Variants in NTM observed in about 807,000 individuals in gnomAD.
The protein encoded by NTM is neurotrimin, also known as IgLON family member 2.
Under a neutral mutation model 42.1 loss-of-function variants are expected in NTM, and 13 were observed. The ratio of observed to expected loss-of-function variants is 0.31; its 90% CI spans 0.20 to 0.49. NTM has a LOEUF of 0.49. Ranked by LOEUF, NTM falls within the 20% of genes least tolerant of loss-of-function variation. The probability of loss-of-function intolerance (pLI) is 0.99; values close to 1 mark genes in which losing one functional copy is unlikely to be tolerated. For synonymous variants in NTM, 187 were observed against 179.2 expected (o/e 1.04, Z -0.35); for missense variants, 373 against 452.8 (o/e 0.82, Z 1.60).
intron 1 of NTM, among the ~76,000 whole-genome samples, chr11:131,422,476 C>T (rs921456006): frequency 6.6e-6 from 1 of 152,124 alleles, no homozygotes; most frequent in Admixed American, 6.5e-5. Flanking sequence ...TGATCAGGCG[C>T]AAATTAAGTA....
At position 132,197,696 on chromosome 11, in the gene NTM, T is replaced by G. The variant is rs189114839; in HGVS notation, c.401-14326T>G. Among the ~76,000 whole-genome samples, 668 of 137,410 alleles carry G rather than the reference T, an allele frequency of 4.9e-3. 3 individuals carry two copies. Among genetic ancestry groups the G allele is most frequent in the African/African-American group, 0.017 (635 of 36,574 alleles). 90.1% of individuals were successfully genotyped at this position (137,410 alleles called of 152,430 possible). The stretch of plus-strand genomic sequence containing the variant: ...CTGGTGTGTGATGTTCCCCTTCCTG[T>G]GTGCAAGTGTTCTCATTGTTCAATT... On this transcript the variant is annotated intron_variant, in intron 3 of 8. Coordinates refer to ENST00000683400, the MANE Select transcript of NTM (RefSeq NM_001352005.2).
At chr11:131,714,993 G>C (rs2077539640) in intron 1 of NTM, among the ~76,000 whole-genome samples, 1 of 152,190 alleles carries the variant, frequency 6.6e-6, no homozygotes, top group African/African-American at 2.4e-5. Flanking sequence ...CTTAATTAAT[G>C]CTTCCTAATA....
chr11:131,958,287 G>A (rs2134457077), intron 2 of NTM, among the ~76,000 whole-genome samples: 1 of 152,238 alleles, frequency 6.6e-6, no homozygotes, highest in East Asian at 1.9e-4. Context: ...TGGGGCAGGG[G>A]TAGGGTATTT....
At chr11:131,926,577 T>A (rs1443056396) in intron 2 of NTM, among the ~76,000 whole-genome samples, 1 of 151,870 alleles carries the variant, frequency 6.6e-6, no homozygotes, top group Non-Finnish European at 1.5e-5. Flanking sequence ...AGCAAAGGGA[T>A]CTGGGGGGTC....
chr11:131,982,864 ACCTGGTCTTG>A (rs1240782654), intron 2 of NTM, among the ~76,000 whole-genome samples: 2 of 152,158 alleles, frequency 1.3e-5, no homozygotes, highest in African/African-American at 4.8e-5. Context: ...CAAAGAAAGG[ACCTGGTCTTG>A]CCTTTCTGCA....
intron 1 of NTM, among the ~76,000 whole-genome samples, chr11:131,592,869 G>A (rs1342709891): frequency 6.6e-6 from 1 of 152,152 alleles, no homozygotes; most frequent in Admixed American, 6.5e-5. Flanking sequence ...CAGATGTGCA[G>A]CAGCCTGCCA....
chr11:131,840,293 G>A (rs978485243), intron 1 of NTM, among the ~76,000 whole-genome samples: 5 of 152,190 alleles, frequency 3.3e-5, no homozygotes, highest in Admixed American at 3.3e-4. Flanking sequence ...GATTAGGTGA[G>A]CAAATGAGGA....
At chr11:131,745,008 T>C (rs1380398136) in intron 1 of NTM, among the ~76,000 whole-genome samples, 1 of 152,158 alleles carries the variant, frequency 6.6e-6, no homozygotes, top group Non-Finnish European at 1.5e-5. Flanking sequence ...GAGCTGCAAA[T>C]GGTGATTCAA....
At position 131,670,362 on chromosome 11, in the gene NTM, T is replaced by C. The variant is rs79000041; in HGVS notation, c.83-241202T>C. On this transcript the variant is annotated intron_variant, in intron 1 of 8. Transcript: ENST00000683400. Reference sequence around the variant, plus strand: ...CTTTCTCTCCCTCTCTCTCTTACTTTCTTCCTTCCTTCCTTCCTTTCTTTC... The same window carrying C: ...CTTTCTCTCCCTCTCTCTCTTACTTCCTTCCTTCCTTCCTTCCTTTCTTTC... 9.5e-3 allele frequency among the ~76,000 whole-genome samples: 1,439 copies of C among 151,968 alleles called. 26 individuals carry two copies. The highest frequency in any genetic ancestry group is 0.033 in the African/African-American group (1,363 of 41,480).
At chr11:131,918,621 A>T (rs181602649) in intron 2 of NTM, among the ~76,000 whole-genome samples, 18 of 152,168 alleles carry the variant, frequency 1.2e-4, no homozygotes, top group African/African-American at 3.9e-4. Context: ...CTCCTAGGCA[A>T]TCCCCCTCGG....
intron 1 of NTM, among the ~76,000 whole-genome samples, chr11:131,578,863 A>G (rs966364488): frequency 2.6e-5 from 4 of 152,174 alleles, no homozygotes; most frequent in Admixed American, 2.0e-4. Context: ...CTTCTTGTGA[A>G]GAAAGGCTGA....
intron 4 of NTM, among the ~76,000 whole-genome samples, chr11:132,287,372 C>T (rs995895609): frequency 7.9e-5 from 12 of 152,150 alleles, no homozygotes; most frequent in Non-Finnish European, 1.3e-4. Context: ...GTTCTGTCTG[C>T]GTACGTTTCC....
At chr11:131,544,770 G>C (rs533718036) in intron 1 of NTM, among the ~76,000 whole-genome samples, 1 of 152,320 alleles carries the variant, frequency 6.6e-6, no homozygotes, top group South Asian at 2.1e-4. Flanking sequence ...AAGAGTGGAC[G>C]TGTGAGTCTG....
At chr11:131,421,562 G>C (rs573988808) in intron 1 of NTM, among the ~76,000 whole-genome samples, 1 of 152,214 alleles carries the variant, frequency 6.6e-6, no homozygotes, top group Non-Finnish European at 1.5e-5. Context: ...GGAAGCTACT[G>C]CATATGCAGT....
chr11:132,247,802 G>A (rs1369002797), intron 4 of NTM, among the ~76,000 whole-genome samples: 1 of 151,906 alleles, frequency 6.6e-6, no homozygotes, highest in Non-Finnish European at 1.5e-5. Context: ...CTCTATCCCT[G>A]TCTCTTTTCT....
At chr11:131,890,131 T>TCTCTCC (rs1312849669) in intron 1 of NTM, among the ~76,000 whole-genome samples, 1 of 125,570 alleles carries the variant, frequency 8.0e-6, no homozygotes, top group East Asian at 2.9e-4. Context: ...ACAGGCCCTC[T>TCTCTCC]CTCTCCCTCT....
At chr11:132,101,555 CTT>C (rs35338348) in intron 2 of NTM, among the ~76,000 whole-genome samples, 47,153 of 150,078 alleles carry the variant, frequency 0.31, 7,775 homozygotes, top group African/African-American at 0.33. Flanking sequence ...GGAACACAAC[CTT>C]GTGTGTGTGT....
At chr11:131,895,000 C>A (rs1351395285) in intron 1 of NTM, among the ~76,000 whole-genome samples, 1 of 152,172 alleles carries the variant, frequency 6.6e-6, no homozygotes, top group Non-Finnish European at 1.5e-5. Context: ...GTAACTGAAG[C>A]TCGACCCTTG....
At chr11:131,772,292 TG>T (rs749374274) in intron 1 of NTM, among the ~76,000 whole-genome samples, 5 of 152,318 alleles carry the variant, frequency 3.3e-5, no homozygotes, top group Middle Eastern at 3.4e-3. Flanking sequence ...CGCCTACCCC[TG>T]TATACACCCT....
Sources: gnomAD v4.1 joint callset for allele counts (sites outside exome capture counted in the v4.1 genomes callset) on GRCh38, gnomAD v4.1.1 for gene constraint, MANE v1.5 for transcripts, NCBI Gene and HGNC (gene_info 2026-07-23, HGNC 2026-07-21) for gene names.